BRIP1: variants seen among roughly 807,000 people sequenced by gnomAD.
The protein encoded by BRIP1 is BRCA1 interacting DNA helicase 1.
A neutral mutation model predicts 119.7 loss-of-function variants in BRIP1; 88 were observed. The ratio of observed to expected loss-of-function variants is 0.74; its 90% confidence interval spans 0.62 to 0.88. BRIP1 has a LOEUF of 0.88. Ranked by LOEUF, BRIP1 falls within the 40% of genes least tolerant of loss-of-function variation. The probability of loss-of-function intolerance (pLI) is 0.00; values close to 1 mark genes in which losing one functional copy is unlikely to be tolerated. For synonymous variants in BRIP1, 443 were observed against 496.5 expected (o/e 0.89, Z 1.43); for missense variants, 1,259 against 1,455.4 (o/e 0.87, Z 2.20).
intron 3 of BRIP1, among the ~76,000 whole-genome samples, chr17:61,859,573 T>A (rs2078945030): frequency 6.6e-6 from 1 of 152,192 alleles, no homozygotes; most frequent in South Asian, 2.1e-4. Context: ...ACTTTCCGAC[T>A]CATCAAAAGA....
At chr17:61,829,025 TTTAA>T (rs1289725281) in intron 6 of BRIP1, among the ~76,000 whole-genome samples, 4 of 152,130 alleles carry the variant, frequency 2.6e-5, no homozygotes, top group African/African-American at 9.7e-5. Flanking sequence ...CTAAAACATG[TTTAA>T]TTAATTCAAA....
At position 61,852,447 on chromosome 17, in the gene BRIP1, C is replaced by T. The variant is rs2078835458; in HGVS notation, c.380-3191G>A. ...ACTTTGGGAGGCTGAGGCGAGTGAT[C>T]ATTTGAGGTCAGGAGTTAGAGATCA... On this transcript the variant is annotated intron_variant, in intron 4 of 19. Transcript: ENST00000259008. This position sits in a 1 kb window ranked among gnomAD's most constrained non-coding sequence, Gnocchi z 4.9. 1.3e-5 allele frequency among the ~76,000 whole-genome samples: 2 copies of T among 151,986 alleles called. No individual in the cohort carries two copies. The highest frequency in any genetic ancestry group is 2.9e-5 in the Non-Finnish European group (2 of 67,974).
At chr17:61,786,347 A>T (rs2077707087) in intron 10 of BRIP1, among the ~76,000 whole-genome samples, 1 of 152,046 alleles carries the variant, frequency 6.6e-6, no homozygotes, top group South Asian at 2.1e-4. Flanking sequence ...TTATTTTTTT[A>T]AATGTGGTTA....
chr17:61,766,843 T>C (rs2077380819), intron 14 of BRIP1, among the ~76,000 whole-genome samples: 1 of 152,116 alleles, frequency 6.6e-6, no homozygotes, highest in Non-Finnish European at 1.5e-5. Context: ...GAGAGTCTCT[T>C]TTCAAAATGA....
Position 61,802,077 on chromosome 17 carries a change from C to T in BRIP1, c.919-603G>A, listed in dbSNP as rs2078005017. Among the ~76,000 whole-genome samples, 1 of 152,166 alleles carries T rather than the reference C, an allele frequency of 6.6e-6. No homozygotes were observed. Among genetic ancestry groups the T allele is most frequent in the African/African-American group, 2.4e-5 (1 of 41,440 alleles). ...GCCTAAATTATCCATAATTCTATTA[C>T]ACAAAGAATGCACTAGAAACATTTT... On this transcript the variant is annotated intron_variant, in intron 7 of 19. Coordinates refer to ENST00000259008, the MANE Select transcript of BRIP1 (RefSeq NM_032043.3). The surrounding 1 kb of genome is among the most constrained non-coding windows in gnomAD (Gnocchi z 6.0).
At chr17:61,727,622 G>A (rs755957238) in intron 16 of BRIP1, among the ~76,000 whole-genome samples, 3 of 151,860 alleles carry the variant, frequency 2.0e-5, no homozygotes, top group Non-Finnish European at 4.4e-5. Flanking sequence ...AATTAGCTGG[G>A]CATGGTGGTA....
chr17:61,785,754 T>C (rs2077695503), intron 10 of BRIP1, among the ~76,000 whole-genome samples: 1 of 152,090 alleles, frequency 6.6e-6, no homozygotes, highest in South Asian at 2.1e-4. Flanking sequence ...AATATCCTTC[T>C]CCAACACTGG....
rs567243343 is a variant in BRIP1 at position 61,691,982 on chromosome 17, G to T, written c.2575+1448C>A. 3.2e-4 allele frequency among the ~76,000 whole-genome samples: 49 copies of T among 152,168 alleles called. No homozygotes were observed. Among genetic ancestry groups the T allele is most frequent in the Non-Finnish European group, 5.9e-4 (40 of 67,916 alleles). The stretch of plus-strand genomic sequence containing the variant: ...TATATGGTCAGCGGATCTTCAACAG[G>T]GTGTCATTGGGGATTGATATGCTTT... On this transcript the variant is annotated intron_variant, in intron 18 of 19. Coordinates refer to ENST00000259008, the MANE Select transcript of BRIP1 (RefSeq NM_032043.3). This position sits in a 1 kb window ranked among gnomAD's most constrained non-coding sequence, Gnocchi z 5.0.
rs1006404989 is a variant in BRIP1, at chr17:61,751,754, T to C, written c.2098-7163A>G. 3.9e-5 allele frequency among the ~76,000 whole-genome samples: 6 copies of C among 151,938 alleles called. No individual in the cohort carries two copies. The highest frequency in any genetic ancestry group is 6.6e-5 in the Admixed American group (1 of 15,234). On this transcript the variant is annotated intron_variant, in intron 14 of 19. Coordinates refer to ENST00000259008, the MANE Select transcript of BRIP1 (RefSeq NM_032043.3). This position sits in a 1 kb window ranked among gnomAD's most constrained non-coding sequence, Gnocchi z 6.7. ...TACCTTTAGCTTTAGGGGGATACAA[T>C]TGGGAAGGAACAAATGGAGGATTTT...
At position 61,845,603 on chromosome 17, in the gene BRIP1, T is replaced by C. The variant is rs2078716153; in HGVS notation, c.627+1498A>G. ...TTTTCACTTGAAAGCTCAAATTTTATCTGGCTCATTTTATCATAAAGAATT... is the reference window on the plus strand; with the variant it reads ...TTTTCACTTGAAAGCTCAAATTTTACCTGGCTCATTTTATCATAAAGAATT... On this transcript the variant is annotated intron_variant, in intron 6 of 19. Coordinates refer to ENST00000259008, the MANE Select transcript of BRIP1 (RefSeq NM_032043.3). The surrounding 1 kb of genome is among the most constrained non-coding windows in gnomAD (Gnocchi z 4.2). Among the ~76,000 whole-genome samples, 1 of 152,212 alleles carries C rather than the reference T, an allele frequency of 6.6e-6. No individual in the cohort carries two copies. The highest frequency in any genetic ancestry group is 2.1e-4 in the South Asian group (1 of 4,832).
chr17:61,811,922 A>T (rs2078168519), intron 6 of BRIP1, among the ~76,000 whole-genome samples: 1 of 152,160 alleles, frequency 6.6e-6, no homozygotes, highest in African/African-American at 2.4e-5. Flanking sequence ...ACTGCACTCC[A>T]GCCTGGGTGA....
intron 10 of BRIP1, among the ~76,000 whole-genome samples, chr17:61,784,773 T>C (rs2077680421): frequency 6.6e-6 from 1 of 152,154 alleles, no homozygotes; most frequent in South Asian, 2.1e-4. Context: ...GCTTCTTCTC[T>C]TGCCATATGA....
chr17:61,716,091 AT>A, intron 16 of BRIP1, 28 bp from the exon 17 acceptor site: 5 of 1,316,926 alleles, frequency 3.8e-6, no homozygotes, highest in Non-Finnish European at 5.3e-6. Context: ...TATTTAAAAA[AT>A]TAGTAGATAA....
chr17:61,702,977 T>C (rs1223843094), intron 17 of BRIP1, among the ~76,000 whole-genome samples: 1 of 151,350 alleles, frequency 6.6e-6, no homozygotes, highest in Non-Finnish European at 1.5e-5. Flanking sequence ...CTGTTCTTTT[T>C]TTTTTTTTTT....
At chr17:61,697,799 A>G (rs2061552660) in intron 17 of BRIP1, among the ~76,000 whole-genome samples, 1 of 151,556 alleles carries the variant, frequency 6.6e-6, no homozygotes, top group African/African-American at 2.4e-5. Flanking sequence ...TTTAAAATAC[A>G]GATGTTTACA....
At chr17:61,773,963 C>G (rs1258513487) in intron 14 of BRIP1, among the ~76,000 whole-genome samples, 2 of 152,056 alleles carry the variant, frequency 1.3e-5, no homozygotes, top group East Asian at 3.9e-4. Flanking sequence ...TGTAGAGAAA[C>G]AGGAACGCTT....
At chr17:61,840,217 G>C (rs2078637145) in intron 6 of BRIP1, among the ~76,000 whole-genome samples, 1 of 151,908 alleles carries the variant, frequency 6.6e-6, no homozygotes, top group Admixed American at 6.6e-5. Context: ...AAATGAGCTG[G>C]GCGTGGTGTC....
intron 14 of BRIP1, among the ~76,000 whole-genome samples, chr17:61,765,731 A>G (rs2077364031): frequency 6.6e-6 from 1 of 151,058 alleles, no homozygotes; most frequent in Non-Finnish European, 1.5e-5. Flanking sequence ...CAGCATGCCC[A>G]GCCTAATCAA....
chr17:61,861,606 G>A lies in BRIP1; in HGVS notation c.-30-37C>T, dbSNP rs1012849648. 3 of 1,203,468 alleles carry A rather than the reference G, an allele frequency of 2.5e-6. No individual in the cohort carries two copies. The highest frequency in any genetic ancestry group is 1.2e-5 in the South Asian group (1 of 81,448). 74.5% of individuals were successfully genotyped at this position (1,203,468 alleles called of 1,614,324 possible). On this transcript the variant is annotated intron_variant, in intron 1 of 19. Coordinates refer to ENST00000259008, the MANE Select transcript of BRIP1 (RefSeq NM_032043.3). The surrounding 1 kb of genome is among the most constrained non-coding windows in gnomAD (Gnocchi z 4.5). ...ATGAAAATGTCAAATATTGAGACAC[G>A]CCTTACAAAGAAAACCAGAGAACCA...
Sources: gnomAD v4.1 joint callset for allele counts (sites outside exome capture counted in the v4.1 genomes callset) on GRCh38, gnomAD v4.1.1 for gene constraint, Gnocchi (gnomAD v3.1) non-coding constraint, MANE v1.5 for transcripts, NCBI Gene and HGNC (gene_info 2026-07-23, HGNC 2026-07-21) for gene names.